DLGAP1: variants seen among roughly 807,000 people sequenced by gnomAD.
The protein encoded by DLGAP1 is disks large-associated protein 1.
A neutral mutation model predicts 90.8 loss-of-function variants in DLGAP1; 11 were observed. That is an observed-to-expected ratio of 0.12 (90% CI 0.08 to 0.20). The LOEUF (loss-of-function observed/expected upper bound fraction) is 0.20, where lower values mean the gene tolerates loss of function less well. Among genes scored for constraint, DLGAP1 ranks in the 10% least tolerant of loss-of-function variants. DLGAP1 has a pLI of 1.00. For missense variants in DLGAP1, 1,050 were observed against 1,333.8 expected (o/e 0.79, Z 3.31); for synonymous variants, 558 against 540.7 (o/e 1.03, Z -0.44).
At chr18:4,432,966 T>C (rs2083322254) in intron 1 of DLGAP1, among the ~76,000 whole-genome samples, 1 of 152,180 alleles carries the variant, frequency 6.6e-6, no homozygotes, top group Admixed American at 6.5e-5. Context: ...TACCACAACA[T>C]TAATTTCCTT....
At chr18:3,970,421 T>C (rs1350002515) in intron 3 of DLGAP1, among the ~76,000 whole-genome samples, 1 of 152,146 alleles carries the variant, frequency 6.6e-6, no homozygotes, top group African/African-American at 2.4e-5. Flanking sequence ...TAAAAAGCTC[T>C]CCAAAGAAAG....
chr18:4,444,220 C>A (rs2083606308), intron 1 of DLGAP1, among the ~76,000 whole-genome samples: 3 of 100,894 alleles, frequency 3.0e-5, no homozygotes, highest in Admixed American at 3.0e-4. Flanking sequence ...AGTGTTGCCT[C>A]TTCATTTTTT....
intron 10 of DLGAP1, among the ~76,000 whole-genome samples, chr18:3,523,237 C>T (rs2051331530): frequency 6.6e-6 from 1 of 151,656 alleles, no homozygotes; most frequent in South Asian, 2.1e-4. Context: ...TTTAGCCGGG[C>T]ATGGTGGTGC....
In DLGAP1 at chr18:4,296,407, ACT is replaced by A. The variant is rs1485783068; in HGVS notation, c.-266-145122_-266-145121del. Among the ~76,000 whole-genome samples, 3 of 152,128 alleles carry A rather than the reference ACT, an allele frequency of 2.0e-5. No individual in the cohort carries two copies. In the South Asian group the frequency reaches 6.2e-4, roughly 32 times the overall value. ...AGACACAGCAGGTTAAAGGAGGGCC[ACT>A]CTCAGAAACATTTTAGCAATGAACA... is the stretch of plus-strand genomic sequence containing the variant. On this transcript the variant is annotated intron_variant, in intron 1 of 12. Transcript: ENST00000315677.
chr18:4,415,588 T>C (rs2082882072), intron 1 of DLGAP1, among the ~76,000 whole-genome samples: 1 of 152,220 alleles, frequency 6.6e-6, no homozygotes, highest in African/African-American at 2.4e-5. Flanking sequence ...TTTTTTACTA[T>C]AATTGGTTCA....
intron 2 of DLGAP1, among the ~76,000 whole-genome samples, chr18:4,045,917 T>C (rs1264237900): frequency 1.3e-5 from 2 of 151,896 alleles, no homozygotes; most frequent in African/African-American, 2.4e-5. Flanking sequence ...TGGGGTTATA[T>C]GTGTGAGCCA....
intron 7 of DLGAP1, among the ~76,000 whole-genome samples, chr18:3,686,502 G>GT (rs1190382600): frequency 5.9e-5 from 9 of 152,220 alleles, no homozygotes; most frequent in Non-Finnish European, 4.4e-5. Flanking sequence ...GGCAAAGACA[G>GT]TGTTCCCTTA....
At chr18:3,705,286 TTC>T (rs2061397703) in intron 7 of DLGAP1, among the ~76,000 whole-genome samples, 1 of 150,980 alleles carries the variant, frequency 6.6e-6, no homozygotes, top group East Asian at 1.9e-4. Flanking sequence ...AAGAAACATT[TTC>T]AACTTTTCAG....
chr18:4,309,290 C>T (rs1243962122), intron 1 of DLGAP1, among the ~76,000 whole-genome samples: 2 of 152,142 alleles, frequency 1.3e-5, no homozygotes, highest in South Asian at 2.1e-4. Flanking sequence ...ATGGAAAGAG[C>T]GCACATAGCA....
intron 8 of DLGAP1, among the ~76,000 whole-genome samples, chr18:3,572,711 A>C (rs1162561254): frequency 1.3e-5 from 2 of 152,064 alleles, no homozygotes; most frequent in African/African-American, 4.8e-5. Context: ...CAGCCTCCCA[A>C]AATACTGGGA....
intron 4 of DLGAP1, among the ~76,000 whole-genome samples, chr18:3,855,368 C>T (rs2069576924): frequency 1.3e-5 from 2 of 152,118 alleles, no homozygotes; most frequent in Middle Eastern, 3.4e-3. Flanking sequence ...AATCTGTACA[C>T]CAAATCCCCT....
At chr18:4,037,137 G>A (rs1418473164) in intron 2 of DLGAP1, among the ~76,000 whole-genome samples, 1 of 152,206 alleles carries the variant, frequency 6.6e-6, no homozygotes, top group Non-Finnish European at 1.5e-5. Context: ...GATGAAGAGA[G>A]TTGAGAAACA....
chr18:4,432,014 G>A (rs1287430782), intron 1 of DLGAP1, among the ~76,000 whole-genome samples: 4 of 152,192 alleles, frequency 2.6e-5, no homozygotes, highest in Non-Finnish European at 5.9e-5. Context: ...TGATTGTATA[G>A]ATACAACTTC....
chr18:3,513,654 C>T (rs1457617751), intron 10 of DLGAP1, among the ~76,000 whole-genome samples: 1 of 152,222 alleles, frequency 6.6e-6, no homozygotes, highest in Non-Finnish European at 1.5e-5. Flanking sequence ...CCAGGGACAC[C>T]TTGAAAGAGA....
In DLGAP1 at chr18:3,758,047, G is replaced by A. The variant is rs567652141; in HGVS notation, c.1173-15535C>T. Among the ~76,000 whole-genome samples, 13 of 151,308 alleles carry A rather than the reference G, an allele frequency of 8.6e-5. 1 individual carries two copies. The South Asian group carries it at 1.7e-3, about 20-fold the overall frequency. On this transcript the variant is annotated intron_variant, in intron 5 of 12. Coordinates refer to ENST00000315677, the MANE Select transcript of DLGAP1 (RefSeq NM_004746.4). ...AGAGAATTGCTTGAACTGGGGAGGCGGAGGTTGCAGTGAGCCAAGATTGCA... is the reference window on the plus strand; with the variant it reads ...AGAGAATTGCTTGAACTGGGGAGGCAGAGGTTGCAGTGAGCCAAGATTGCA...
chr18:3,993,993 G>C (rs948814604), intron 3 of DLGAP1, among the ~76,000 whole-genome samples: 1 of 152,194 alleles, frequency 6.6e-6, no homozygotes, highest in African/African-American at 2.4e-5. Context: ...GGTTTGGTAA[G>C]AATGTGGTGA....
At chr18:4,292,881 G>T (rs183297696) in intron 1 of DLGAP1, among the ~76,000 whole-genome samples, 1 of 152,296 alleles carries the variant, frequency 6.6e-6, no homozygotes, top group East Asian at 1.9e-4. Flanking sequence ...ATACCTAGCA[G>T]ATCCCTGTCC....
chr18:3,591,367 A>C (rs1042657481), intron 7 of DLGAP1, among the ~76,000 whole-genome samples: 12 of 152,100 alleles, frequency 7.9e-5, no homozygotes, highest in African/African-American at 1.2e-4. Flanking sequence ...TAAGGTGTCT[A>C]TTTCAGGAAA....
chr18:3,798,487 C>A (rs2066123657), intron 5 of DLGAP1, among the ~76,000 whole-genome samples: 1 of 152,158 alleles, frequency 6.6e-6, no homozygotes, highest in Non-Finnish European at 1.5e-5. Flanking sequence ...AGGAAAAAAA[C>A]ACAGTCCAGG....
Sources: allele counts gnomAD v4.1 joint callset (sites outside exome capture counted in the v4.1 genomes callset), GRCh38; gene constraint gnomAD v4.1.1; transcripts MANE v1.5; gene names NCBI Gene and HGNC (gene_info 2026-07-23, HGNC 2026-07-21).